Variants in SHE observed in about 807,000 individuals in gnomAD.
The protein encoded by SHE is Src homology 2 domain containing E, also known as SH2 domain-containing adapter protein E.
In SHE, 11 loss-of-function variants were observed where a neutral mutation model predicts 49.8. That is an observed-to-expected ratio of 0.22 (90% CI 0.14 to 0.37). The LOEUF is 0.37. Ranked by LOEUF, SHE falls within the 10% of genes least tolerant of loss-of-function variation. The probability of loss-of-function intolerance (pLI) is 1.00; values close to 1 mark genes in which losing one functional copy is unlikely to be tolerated. For missense variants in SHE, 624 were observed against 655.5 expected (o/e 0.95, Z 0.52); for synonymous variants, 310 against 278.1 (o/e 1.11, Z -1.14).
At chr1:154,471,064 C>T (rs1691731927) in intron 1 of SHE, among the ~76,000 whole-genome samples, 1 of 151,698 alleles carries the variant, frequency 6.6e-6, no homozygotes, top group Non-Finnish European at 1.5e-5. Context: ...TCAAATGCAG[C>T]ACTGCTGTAA....
intron 2 of SHE, among the ~76,000 whole-genome samples, chr1:154,493,196 T>C (rs1014815032): frequency 6.6e-6 from 1 of 152,188 alleles, no homozygotes; most frequent in Non-Finnish European, 1.5e-5. Context: ...ATCTGCAAAC[T>C]GCTATCATCT....
chr1:154,480,441 C>CCA lies in SHE; in HGVS notation c.*3706_*3707dup. ...TATTCTTCTGAATATCAAGATGCAT[C>CCA]CAGTAACAACAGCCAATAACAGACT... On this transcript the variant is annotated 3_prime_UTR_variant, in exon 6 of 6. Transcript: ENST00000304760. The CCA allele has an allele frequency of 1.0e-6, 1 of 985,408 alleles. No homozygotes were observed. Among genetic ancestry groups the CCA allele is most frequent in the South Asian group, 4.7e-5 (1 of 21,290 alleles). 61.0% of individuals were successfully genotyped at this position (985,408 alleles called of 1,614,324 possible).
Position 154,502,264 on chromosome 1 carries a change from C to G in SHE, c.-238G>C, listed in dbSNP as rs1692814652. 2 of 225,516 alleles carry G rather than the reference C, an allele frequency of 8.9e-6. No homozygotes were observed. Among genetic ancestry groups the G allele is most frequent in the African/African-American group, 4.6e-5 (2 of 43,684 alleles). The allele number at this position is 225,516 out of a possible 1,614,324, so 14.0% of individuals were successfully genotyped here. A position where few individuals can be genotyped will look rare whatever the true frequency, so the allele number is the denominator to read the frequency against. ...CCGAGGACACCGTGGCTCTCGGAGG[C>G]GGCGGGCGCCGGGGGCTTCCCCCTG... On this transcript the variant is annotated 5_prime_UTR_variant, in exon 1 of 6. Transcript: ENST00000304760.
At chr1:154,470,166 CT>C in exon 2 of SHE, 1 of 451,184 alleles carries the variant, frequency 2.2e-6, no homozygotes, top group Non-Finnish European at 4.0e-6. Flanking sequence ...GAGGCTGGTC[CT>C]TGTCTTGCAG....
Position 154,502,134 on chromosome 1 carries a change from C to T in SHE, c.-108G>A, listed in dbSNP as rs1692804211. 1.1e-6 allele frequency: 1 copy of T among 934,498 alleles called. No individual in the cohort carries two copies. The highest frequency in any genetic ancestry group is 1.4e-6 in the Non-Finnish European group (1 of 729,808). 57.9% of individuals were successfully genotyped at this position (934,498 alleles called of 1,614,324 possible). A position where few individuals can be genotyped will look rare whatever the true frequency, so the allele number is the denominator to read the frequency against. On this transcript the variant is annotated 5_prime_UTR_variant, in exon 1 of 6. Transcript: ENST00000304760. ...CCGGCAGGGTGGGGTTCTCACGGCT[C>T]GGGGCGCCGAGCGGGCGGGCGCTAG...
At chr1:154,494,190 A>C (rs1169906698) in intron 2 of SHE, among the ~76,000 whole-genome samples, 2 of 152,188 alleles carry the variant, frequency 1.3e-5, no homozygotes, top group Non-Finnish European at 1.5e-5. Context: ...TCAAGCTTTT[A>C]AAATTACTTT....
At position 154,486,036 on chromosome 1, in the gene SHE, G is replaced by A. The variant is rs1256896227; in HGVS notation, c.1208C>T (p.Ala403Val). The A allele has an allele frequency of 6.2e-7, 1 of 1,613,792 alleles. No individual in the cohort carries two copies. The highest frequency in any genetic ancestry group is 8.5e-7 in the Non-Finnish European group (1 of 1,179,814). The change falls in exon 5 of 6, where the codon GCT becomes GTT. Residue 403 changes from alanine (A) to valine (V), a missense_variant. By Grantham distance (64) the Ala-to-Val change is moderately conservative. Around this residue, in one of 4 missense-constraint regions of SHE, gnomAD observed 125 missense variants for 181.7 expected, o/e 0.69. Transcript: ENST00000304760. ...QPWYHGAISR[A>V]EAESRLQPCK... Reference sequence around the variant, plus strand: ...GGGCTGTAGTCGACTCTCAGCCTCAGCACGGCTGATGGCACCATGATACCA... The same window carrying A: ...GGGCTGTAGTCGACTCTCAGCCTCAACACGGCTGATGGCACCATGATACCA...
downstream of SHE, among the ~76,000 whole-genome samples, chr1:154,475,726 C>A (rs780720735): frequency 7.2e-5 from 11 of 152,160 alleles, no homozygotes; most frequent in Non-Finnish European, 1.2e-4. Flanking sequence ...ACAAAATTGG[C>A]TGTAAGACAG....
chr1:154,495,937 T>C (rs936909808), intron 2 of SHE, among the ~76,000 whole-genome samples: 4 of 152,122 alleles, frequency 2.6e-5, no homozygotes, highest in African/African-American at 9.7e-5. Context: ...TCTTCAGAAA[T>C]GCTGAAACAA....
Position 154,501,792 on chromosome 1 carries a change from C to A in SHE, c.235G>T (p.Gly79Cys). ...SEAGGAGPGP[G>C]KGRKNSAAEL... ...GCCGCCGAGTTCTTGCGGCCCTTGC[C>A]AGGACCCGGCCCAGCGCCGCCCGCC... The change falls in exon 1 of 6, where the codon GGC (glycine) becomes TGC (cysteine). Residue 79 changes from glycine to cysteine, a missense_variant. By Grantham distance (159) the Gly-to-Cys change is radical. Transcript: ENST00000304760. The A allele has an allele frequency of 6.4e-7, 1 of 1,558,258 alleles. No homozygotes were observed. Among genetic ancestry groups the A allele is most frequent in the Admixed American group, 1.8e-5 (1 of 54,302 alleles).
chr1:154,492,228 G>C (rs1049161351), intron 2 of SHE, among the ~76,000 whole-genome samples: 3 of 151,966 alleles, frequency 2.0e-5, no homozygotes, highest in Non-Finnish European at 4.4e-5. Context: ...GAAATCACCC[G>C]CGGGCTTTCA....
In SHE at chr1:154,483,993, G is replaced by T; in HGVS notation, c.*156C>A. The T allele has an allele frequency of 7.0e-7, 1 of 1,422,916 alleles. No homozygotes were observed. The highest frequency in any genetic ancestry group is 9.2e-7 in the Non-Finnish European group (1 of 1,088,804). 88.1% of individuals were successfully genotyped at this position (1,422,916 alleles called of 1,614,324 possible). ...AGCCTGGGCAACACAGCGAGACTTCGTCTCAAACAAAACAAAACAAATCAC... is the reference window on the plus strand; with the variant it reads ...AGCCTGGGCAACACAGCGAGACTTCTTCTCAAACAAAACAAAACAAATCAC... On this transcript the variant is annotated 3_prime_UTR_variant, in exon 6 of 6. Coordinates refer to ENST00000304760, the MANE Select transcript of SHE (RefSeq NM_001010846.3).
At position 154,483,121 on chromosome 1, in the gene SHE, T is replaced by G; in HGVS notation, c.*1028A>C. ...TACCTTTTATTCTATAATTCAGAATTCTAATAATGATGCCAATGCCTAATG... is the reference window on the plus strand; with the variant it reads ...TACCTTTTATTCTATAATTCAGAATGCTAATAATGATGCCAATGCCTAATG... On this transcript the variant is annotated 3_prime_UTR_variant, in exon 6 of 6. Transcript: ENST00000304760. 3.0e-6 allele frequency: 3 copies of G among 985,042 alleles called. No individual in the cohort carries two copies. The highest frequency in any genetic ancestry group is 3.6e-6 in the Non-Finnish European group (3 of 829,566). The allele number at this position is 985,042 out of a possible 1,614,324, so 61.0% of individuals were successfully genotyped here.
chr1:154,479,718 G>A lies in SHE; in HGVS notation c.*4431C>T, dbSNP rs1038960445. ...TATTAAAGCCCCTGACAAACTGAAC[G>A]GCTAAGAACTTGACAAAATGAGACG... On this transcript the variant is annotated 3_prime_UTR_variant, in exon 6 of 6. Transcript: ENST00000304760. 6 of 985,060 alleles carry A rather than the reference G, an allele frequency of 6.1e-6. No individual in the cohort carries two copies. The African/African-American group carries it at 7.0e-5, about 11-fold the overall frequency. 61.0% of individuals were successfully genotyped at this position (985,060 alleles called of 1,614,324 possible).
chr1:154,481,473 G>A lies in SHE; in HGVS notation c.*2676C>T. On this transcript the variant is annotated 3_prime_UTR_variant, in exon 6 of 6. Coordinates refer to ENST00000304760, the MANE Select transcript of SHE (RefSeq NM_001010846.3). ...GAAGCATAATACTGGGCATATGACA[G>A]AAGCTCAATAAATACTTAATGTATC... 18 of 985,406 alleles carry A rather than the reference G, an allele frequency of 1.8e-5. No homozygotes were observed. Among genetic ancestry groups the A allele is most frequent in the Non-Finnish European group, 2.2e-5 (18 of 829,932 alleles). 61.0% of individuals were successfully genotyped at this position (985,406 alleles called of 1,614,324 possible).
intron 2 of SHE, among the ~76,000 whole-genome samples, chr1:154,495,708 A>G (rs891573046): frequency 6.7e-6 from 1 of 149,996 alleles, no homozygotes; most frequent in Non-Finnish European, 1.5e-5. Context: ...GTATGCCCAG[A>G]GCTCAGGACA....
exon 2 of SHE, chr1:154,469,997 G>A (rs1412468272): frequency 3.5e-6 from 1 of 287,654 alleles, no homozygotes; most frequent in Non-Finnish European, 6.9e-6. Context: ...TCAGGGATGG[G>A]GAGGCGAGAA....
chr1:154,496,781 T>G (rs180834582), intron 2 of SHE, among the ~76,000 whole-genome samples: 14 of 151,394 alleles, frequency 9.2e-5, no homozygotes, highest in Admixed American at 2.6e-4. Flanking sequence ...CCCCCCAAAA[T>G]TATATTCATT....
At chr1:154,489,022 C>G in intron 3 of SHE, 29 bp downstream of exon 3, 1 of 1,521,882 alleles carries the variant, frequency 6.6e-7, no homozygotes, top group Non-Finnish European at 8.8e-7. Flanking sequence ...TGAAGTCACA[C>G]TGGGGCGGGC....
Sources: gnomAD v4.1 joint callset for allele counts (sites outside exome capture counted in the v4.1 genomes callset) on GRCh38, gnomAD v4.1.1 for gene constraint, gnomAD v4.1.1 regional missense constraint, MANE v1.5 for transcripts, NCBI Gene and HGNC (gene_info 2026-07-23, HGNC 2026-07-21) for gene names.